Variants in HDAC9 observed in about 807,000 individuals in gnomAD.
The protein encoded by HDAC9 is MEF-2 interacting transcription repressor (MITR) protein.
A neutral mutation model predicts 139.4 loss-of-function variants in HDAC9; 41 were observed. The ratio of observed to expected loss-of-function variants is 0.29; its 90% CI spans 0.23 to 0.38. The LOEUF (loss-of-function observed/expected upper bound fraction) is 0.38. Ranked by LOEUF, HDAC9 falls within the 10% of genes least tolerant of loss-of-function variation. The probability of loss-of-function intolerance (pLI) is 1.00; values close to 1 mark genes in which losing one functional copy is unlikely to be tolerated. For missense variants in HDAC9, 1,147 were observed against 1,297.0 expected (o/e 0.88, Z 1.78); for synonymous variants, 517 against 476.2 (o/e 1.09, Z -1.12).
At chr7:18,338,412 G>A (rs1393764991) in intron 1 of HDAC9, among the ~76,000 whole-genome samples, 3 of 151,568 alleles carry the variant, frequency 2.0e-5, no homozygotes, top group Non-Finnish European at 4.4e-5. Context: ...CCAAGGATTA[G>A]GCTCAAGGTA....
intron 6 of HDAC9, among the ~76,000 whole-genome samples, chr7:18,594,872 A>C (rs1832030037): frequency 6.6e-6 from 1 of 152,104 alleles, no homozygotes; most frequent in Admixed American, 6.6e-5. Flanking sequence ...TGATCTGAAA[A>C]GATATTCATG....
chr7:18,988,837 T>C (rs1196273474), intron 25 of HDAC9, among the ~76,000 whole-genome samples: 1 of 151,714 alleles, frequency 6.6e-6, no homozygotes, highest in East Asian at 1.9e-4. Context: ...TTGTCTCTTT[T>C]GATCTTTGTT....
At chr7:18,802,178 G>A (rs1410325018) in intron 17 of HDAC9, among the ~76,000 whole-genome samples, 1 of 151,508 alleles carries the variant, frequency 6.6e-6, no homozygotes, top group Non-Finnish European at 1.5e-5. Flanking sequence ...TTTTCTTTAA[G>A]TACTATTTGA....
chr7:18,313,532 C>T (rs1373564395), intron 1 of HDAC9, among the ~76,000 whole-genome samples: 3 of 152,168 alleles, frequency 2.0e-5, no homozygotes, highest in African/African-American at 7.2e-5. Flanking sequence ...ACACACTAGT[C>T]AGATACTGGT....
At chr7:18,674,566 A>G (rs976372953) in intron 12 of HDAC9, among the ~76,000 whole-genome samples, 2 of 151,876 alleles carry the variant, frequency 1.3e-5, no homozygotes, top group African/African-American at 4.8e-5. Context: ...AATGTACTCT[A>G]TTGTGTTCAT....
intron 12 of HDAC9, among the ~76,000 whole-genome samples, chr7:18,695,533 G>A (rs993947926): frequency 2.6e-5 from 4 of 152,148 alleles, no homozygotes; most frequent in African/African-American, 4.8e-5. Flanking sequence ...ACCAGAATGG[G>A]ACTTAGCAAG....
intron 2 of HDAC9, among the ~76,000 whole-genome samples, chr7:18,208,337 A>G (rs1210354072): frequency 6.6e-6 from 1 of 150,498 alleles, no homozygotes; most frequent in African/African-American, 2.4e-5. Context: ...TATGGGATGG[A>G]CCTAGTCATT....
intron 2 of HDAC9, among the ~76,000 whole-genome samples, chr7:18,523,769 G>A (rs758410021): frequency 2.4e-4 from 36 of 152,044 alleles, no homozygotes; most frequent in South Asian, 6.2e-4. Flanking sequence ...CCATCACATA[G>A]AGTAGTTAGA....
chr7:18,243,408 A>C (rs905781618), intron 2 of HDAC9, among the ~76,000 whole-genome samples: 1 of 152,218 alleles, frequency 6.6e-6, no homozygotes. Flanking sequence ...AGTGTTCAAG[A>C]AAGGGCCCCA....
At chr7:18,594,060 T>C (rs934247798) in intron 6 of HDAC9, 31 bp downstream of exon 6, 1 of 1,610,252 alleles carries the variant, frequency 6.2e-7, no homozygotes, top group Non-Finnish European at 8.5e-7. Context: ...CTCTGTTTGC[T>C]CTTCTGTAAC....
intron 12 of HDAC9, among the ~76,000 whole-genome samples, chr7:18,696,900 A>C (rs1176372986): frequency 6.6e-6 from 1 of 151,490 alleles, no homozygotes; most frequent in Non-Finnish European, 1.5e-5. Context: ...AACAATCATC[A>C]CATTCTCGGT....
intron 1 of HDAC9, among the ~76,000 whole-genome samples, chr7:18,323,156 A>C (rs1490968004): frequency 6.6e-6 from 1 of 152,198 alleles, no homozygotes; most frequent in African/African-American, 2.4e-5. Context: ...GCTCAGGCCC[A>C]TAACCTTGGA....
At chr7:18,983,343 T>C (rs1286579392) in intron 25 of HDAC9, among the ~76,000 whole-genome samples, 1 of 152,162 alleles carries the variant, frequency 6.6e-6, no homozygotes, top group African/African-American at 2.4e-5. Context: ...CTTTATCCAC[T>C]CACCCACTGA....
At position 18,667,191 on chromosome 7, in the gene HDAC9, TG is replaced by T. The variant is rs1299179181; in HGVS notation, c.1731+716del. On this transcript the variant is annotated intron_variant, in intron 12 of 25. Transcript: ENST00000686413. ...CACTGCTCATTTTACTTTTATTTTGTGTAATTTGATGACACTGTCTATCAAA... is the reference window on the plus strand; with the variant it reads ...CACTGCTCATTTTACTTTTATTTTGTTAATTTGATGACACTGTCTATCAAA... 3.0e-6 allele frequency: 3 copies of T among 985,228 alleles called. No homozygotes were observed. In the African/African-American group the frequency reaches 5.2e-5, roughly 17 times the overall value. 61.0% of individuals were successfully genotyped at this position (985,228 alleles called of 1,614,324 possible).
intron 2 of HDAC9, among the ~76,000 whole-genome samples, chr7:18,176,431 T>G (rs1217797872): frequency 2.6e-5 from 4 of 152,222 alleles, no homozygotes; most frequent in African/African-American, 9.6e-5. Context: ...AATATTTGCT[T>G]GGTGGTTCAT....
intron 2 of HDAC9, among the ~76,000 whole-genome samples, chr7:18,244,690 C>T (rs1346425750): frequency 1.3e-5 from 2 of 151,926 alleles, no homozygotes; most frequent in Non-Finnish European, 2.9e-5. Context: ...CCCAGCTACT[C>T]GGGAGCCTGA....
intron 25 of HDAC9, among the ~76,000 whole-genome samples, chr7:18,987,860 T>C (rs1186791922): frequency 6.6e-6 from 1 of 152,170 alleles, no homozygotes; most frequent in Non-Finnish European, 1.5e-5. Flanking sequence ...GGCGTAGAGG[T>C]GTTTGTAGTA....
chr7:18,094,125 G>A (rs181196628), intron 1 of HDAC9, among the ~76,000 whole-genome samples: 324 of 152,264 alleles, frequency 2.1e-3, no homozygotes, highest in African/African-American at 7.3e-3. Context: ...GCACACCTAT[G>A]GACTACTCCA....
chr7:18,582,929 A>C (rs1828274346), intron 2 of HDAC9, among the ~76,000 whole-genome samples: 1 of 152,190 alleles, frequency 6.6e-6, no homozygotes, highest in African/African-American at 2.4e-5. Flanking sequence ...CATTGTACAC[A>C]TATATGTATA....
Sources: allele counts gnomAD v4.1 joint callset (sites outside exome capture counted in the v4.1 genomes callset), GRCh38; gene constraint gnomAD v4.1.1; transcripts MANE v1.5; gene names NCBI Gene and HGNC (gene_info 2026-07-23, HGNC 2026-07-21).